NLGN1: variants seen among roughly 807,000 people sequenced by gnomAD.
NLGN1 encodes neuroligin-1.
In NLGN1, 12 loss-of-function variants were observed where a neutral mutation model predicts 65.5. That is an observed-to-expected ratio of 0.18 (90% CI 0.12 to 0.30). The LOEUF is 0.30. Ranked by LOEUF, NLGN1 falls within the 10% of genes least tolerant of loss-of-function variation. NLGN1 has a pLI of 1.00. For synonymous variants in NLGN1, 350 were observed against 359.5 expected, an observed-to-expected ratio of 0.97 and a Z score of 0.30; for missense variants, 750 against 1,007.1, an observed-to-expected ratio of 0.74 and a Z score of 3.46.
At chr3:174,289,564 A>G (rs1293130050), downstream of NLGN1, among the ~76,000 whole-genome samples, 1 of 151,232 alleles carries the variant, frequency 6.6e-6, no homozygotes, top group Non-Finnish European at 1.5e-5. Context: ...CTATTTGGGA[A>G]TTTCTGGGTT....
At chr3:174,247,732 C>G (rs1744058439) in intron 4 of NLGN1, among the ~76,000 whole-genome samples, 1 of 152,126 alleles carries the variant, frequency 6.6e-6, no homozygotes, top group South Asian at 2.1e-4. Flanking sequence ...TTAAAGCTAT[C>G]TCAGGAAACC....
At chr3:173,655,307 C>A (rs1398958126) in intron 3 of NLGN1, among the ~76,000 whole-genome samples, 1 of 152,056 alleles carries the variant, frequency 6.6e-6, no homozygotes, top group African/African-American at 2.4e-5. Context: ...AAAGGTGCTT[C>A]AGAGAAGTTT....
At chr3:173,791,707 ATTTTTCC>A (rs971063724) in intron 3 of NLGN1, among the ~76,000 whole-genome samples, 3 of 151,646 alleles carry the variant, frequency 2.0e-5, no homozygotes, top group African/African-American at 7.3e-5. Context: ...CCCACACCCA[ATTTTTCC>A]TTTTCTCTGC....
chr3:173,479,922 A>C (rs483487), intron 2 of NLGN1, among the ~76,000 whole-genome samples: 116,363 of 152,012 alleles, frequency 0.77, 46,401 homozygotes, highest in East Asian at 0.97. Context: ...TGTTAAAGTG[A>C]GAAGGATCAG....
chr3:174,205,356 TA>T lies in NLGN1; in HGVS notation c.647-69958del, dbSNP rs536665018. On this transcript the variant is annotated intron_variant, in intron 4 of 6. Transcript: ENST00000457714. ...AAAATGGAGATGTTTAGATTTGCAT[TA>T]CTCACTCTTACTTCAGCACCTCTTC... Among the ~76,000 whole-genome samples, 32 of 152,154 alleles carry T rather than the reference TA, an allele frequency of 2.1e-4. 1 individual carries two copies. The South Asian group carries it at 6.6e-3, about 32-fold the overall frequency.
At chr3:173,747,233 A>G (rs925748203) in intron 3 of NLGN1, among the ~76,000 whole-genome samples, 2 of 146,326 alleles carry the variant, frequency 1.4e-5, no homozygotes, top group Non-Finnish European at 3.0e-5. Flanking sequence ...ATTTAAATAT[A>G]TATATCTTTA....
At chr3:173,969,915 A>T (rs1715803798) in intron 4 of NLGN1, among the ~76,000 whole-genome samples, 1 of 142,134 alleles carries the variant, frequency 7.0e-6, no homozygotes. Context: ...TTTGGGCTTA[A>T]AAAAAAAAAA....
chr3:173,631,655 A>G (rs1261798818), intron 3 of NLGN1, among the ~76,000 whole-genome samples: 1 of 152,188 alleles, frequency 6.6e-6, no homozygotes, highest in Non-Finnish European at 1.5e-5. Flanking sequence ...ATCTATAACC[A>G]TGGTTACGAG....
intron 1 of NLGN1, among the ~76,000 whole-genome samples, chr3:173,409,567 G>C (rs762192288): frequency 1.1e-4 from 16 of 151,998 alleles, no homozygotes; most frequent in Non-Finnish European, 1.6e-4. Flanking sequence ...TCCAACTCCT[G>C]ATTTCCTGTC....
chr3:174,078,436 A>C (rs1444544146), intron 4 of NLGN1, among the ~76,000 whole-genome samples: 2 of 152,158 alleles, frequency 1.3e-5, no homozygotes, highest in East Asian at 3.9e-4. Context: ...ATTGTTTCTG[A>C]AGTGTCTTGC....
At chr3:173,438,952 T>C (rs1357043761) in intron 2 of NLGN1, among the ~76,000 whole-genome samples, 1 of 152,186 alleles carries the variant, frequency 6.6e-6, no homozygotes, top group African/African-American at 2.4e-5. Context: ...TTTCAGTATT[T>C]TCCAAATTCA....
intron 3 of NLGN1, among the ~76,000 whole-genome samples, chr3:173,782,720 T>C (rs577177858): frequency 1.4e-3 from 208 of 151,720 alleles, no homozygotes; most frequent in African/African-American, 4.7e-3. Context: ...TGCATTGTTC[T>C]TACCACCCAT....
intron 4 of NLGN1, among the ~76,000 whole-genome samples, chr3:174,060,871 C>T (rs1737249510): frequency 6.6e-6 from 1 of 152,010 alleles, no homozygotes; most frequent in African/African-American, 2.4e-5. Context: ...AGATAGGACA[C>T]TTAAGGAGCC....
At chr3:174,153,348 G>C (rs981736093) in intron 4 of NLGN1, among the ~76,000 whole-genome samples, 3 of 152,004 alleles carry the variant, frequency 2.0e-5, no homozygotes, top group Non-Finnish European at 4.4e-5. Context: ...TTTTCCTTAG[G>C]TTTGAAACAA....
intron 3 of NLGN1, among the ~76,000 whole-genome samples, chr3:173,772,706 G>A (rs1779757780): frequency 6.6e-6 from 1 of 152,174 alleles, no homozygotes; most frequent in Admixed American, 6.5e-5. Flanking sequence ...CCTTCAACTT[G>A]TTAATGATTA....
At chr3:173,871,948 C>T (rs114533886) in intron 4 of NLGN1, among the ~76,000 whole-genome samples, 1,571 of 152,220 alleles carry the variant, frequency 0.01, 12 homozygotes, top group Non-Finnish European at 0.018. Flanking sequence ...CAATTTCAAC[C>T]GTTCCTAAGA....
At chr3:174,169,121 T>C (rs1408717976) in intron 4 of NLGN1, among the ~76,000 whole-genome samples, 1 of 150,020 alleles carries the variant, frequency 6.7e-6, no homozygotes, top group African/African-American at 2.5e-5. Context: ...ACAGGAAGGG[T>C]GGAGTGACTC....
intron 3 of NLGN1, among the ~76,000 whole-genome samples, chr3:173,632,301 A>G (rs1755814723): frequency 6.6e-6 from 1 of 152,180 alleles, no homozygotes; most frequent in Non-Finnish European, 1.5e-5. Flanking sequence ...GGCTTCCCAA[A>G]TGGTGGTTGT....
intron 4 of NLGN1, among the ~76,000 whole-genome samples, chr3:173,870,468 ACAAATTTATCGC>A (rs1428125306): frequency 1.3e-5 from 2 of 152,188 alleles, no homozygotes; most frequent in South Asian, 4.1e-4. Context: ...GTTTTAGATA[ACAAATTTATCGC>A]CAAATTTATC....
Sources: gnomAD v4.1 joint callset for allele counts (sites outside exome capture counted in the v4.1 genomes callset) on GRCh38, gnomAD v4.1.1 for gene constraint, MANE v1.5 for transcripts, NCBI Gene and HGNC (gene_info 2026-07-23, HGNC 2026-07-21) for gene names.